KEAP1: variants seen among roughly 807,000 people sequenced by gnomAD.
The protein encoded by KEAP1 is kelch like ECH associated protein 1.
In KEAP1, 26 loss-of-function variants were observed where a neutral mutation model predicts 59.7. The observed-to-expected ratio is 0.44, with a 90% confidence interval of 0.32 to 0.60. KEAP1 has a LOEUF of 0.60. Among genes scored for constraint, KEAP1 ranks in the 20% least tolerant of loss-of-function variants. The pLI is 0.06. For missense variants in KEAP1, 539 were observed against 871.4 expected (o/e 0.62, Z 4.80); for synonymous variants, 350 against 358.3 (o/e 0.98, Z 0.26).
intron 2 of KEAP1, chr19:10,492,600 C>G (rs1000764295): frequency 2.0e-5 from 5 of 251,628 alleles, no homozygotes; most frequent in African/African-American, 1.1e-4. Context: ...CGCCTCTAGT[C>G]CCAGCTACTC....
chr19:10,499,634 C>G lies in KEAP1; in HGVS notation c.400G>C (p.Glu134Gln). ...SIEGIHPKVMERLIEFAYTAS... is the reference protein window; with the variant it reads ...SIEGIHPKVMQRLIEFAYTAS... ...GTGTAGGCGAATTCAATGAGGCGCT[C>G]CATGACCTTGGGGTGGATACCCTCA... The change falls in exon 2 of 6, where the codon GAG becomes CAG. Residue 134 changes from glutamate (E) to glutamine (Q), a missense_variant. Physicochemically the swap from Glu to Gln is conservative, Grantham distance 29 (BLOSUM62 2). Transcript: ENST00000171111. The surrounding 1 kb of genome is among the most constrained non-coding windows in gnomAD (Gnocchi z 6.7). The G allele has an allele frequency of 3.1e-6, 5 of 1,614,062 alleles. No homozygotes were observed. Among genetic ancestry groups the G allele is most frequent in the Non-Finnish European group, 4.2e-6 (5 of 1,180,044 alleles).
At chr19:10,496,500 C>A (rs1001622704) in intron 2 of KEAP1, among the ~76,000 whole-genome samples, 1 of 142,826 alleles carries the variant, frequency 7.0e-6, no homozygotes, top group Admixed American at 6.9e-5. Flanking sequence ...GTCCCCCACC[C>A]CCAAAAAAAA....
chr19:10,489,861 G>A lies in KEAP1; in HGVS notation c.1326-8C>T, dbSNP rs2144591530. 1.2e-6 allele frequency: 2 copies of A among 1,610,958 alleles called. No individual in the cohort carries two copies. Among genetic ancestry groups the A allele is most frequent in the South Asian group, 2.2e-5 (2 of 90,632 alleles). On this transcript the variant is annotated splice_region_variant and splice_polypyrimidine_tract_variant and intron_variant, in intron 3 of 5. Transcript: ENST00000171111. ...TCCCGCTCTGGCTCATACCTGCAAGGGCGTAAGAAAAATGGGGACAATGGC... is the reference window on the plus strand; with the variant it reads ...TCCCGCTCTGGCTCATACCTGCAAGAGCGTAAGAAAAATGGGGACAATGGC...
intron 1 of KEAP1, 45 bp from the exon 2 acceptor site, chr19:10,500,125 G>C: frequency 7.4e-7 from 1 of 1,350,230 alleles, no homozygotes. Context: ...GTTGGGACTG[G>C]GCCAGCACCT....
intron 3 of KEAP1, chr19:10,490,519 T>C (rs1264650269): frequency 2.6e-5 from 4 of 152,080 alleles, no homozygotes; most frequent in Admixed American, 2.0e-4. Flanking sequence ...TTCGCCATGT[T>C]GGCCAGGCTG....
chr19:10,497,249 T>C (rs947358369), intron 2 of KEAP1, among the ~76,000 whole-genome samples: 2 of 152,134 alleles, frequency 1.3e-5, no homozygotes, highest in Non-Finnish European at 2.9e-5. Context: ...ACCACTTTCC[T>C]AGAAGCTGCA....
chr19:10,492,002 G>A lies in KEAP1; in HGVS notation c.900C>T (p.Tyr300=), dbSNP rs1205566109. ...ILQSDSRCKD[Y]LVKIFEELTL... ...TGAGCTCCTCGAAGATCTTGACCAG[G>A]TAGTCCTTGCAGCGGGAGTCGGACT... is the stretch of plus-strand genomic sequence containing the variant. Residue 300 remains tyrosine, a synonymous_variant, in exon 3 of 6, where the codon TAC becomes TAT. Transcript: ENST00000171111. 4 of 1,614,080 alleles carry A rather than the reference G, an allele frequency of 2.5e-6. No individual in the cohort carries two copies. The highest frequency in any genetic ancestry group is 4.5e-5 in the East Asian group (2 of 44,886).
rs372100027 is a variant in KEAP1, at chr19:10,491,540, G to C, written c.1325+37C>G. The C allele has an allele frequency of 2.0e-6, 3 of 1,475,122 alleles. No homozygotes were observed. The highest frequency in any genetic ancestry group is 2.7e-6 in the Non-Finnish European group (3 of 1,108,976). The allele number at this position is 1,475,122 out of a possible 1,614,324, so 91.4% of individuals were successfully genotyped here. A position where few individuals can be genotyped will look rare whatever the true frequency, so the allele number is the denominator to read the frequency against. On this transcript the variant is annotated intron_variant, in intron 3 of 5. Transcript: ENST00000171111. The surrounding 1 kb of genome is among the most constrained non-coding windows in gnomAD (Gnocchi z 5.2). ...AGTGTCTTGGGACTTGCCAGGAGCAGGACCCTCCGAGCCCACCCCCAGGCC... is the reference window on the plus strand; with the variant it reads ...AGTGTCTTGGGACTTGCCAGGAGCACGACCCTCCGAGCCCACCCCCAGGCC...
rs777308626 is a variant in KEAP1 at position 10,491,854 on chromosome 19, C to G, written c.1048G>C (p.Gly350Arg). Reference sequence around the variant, plus strand: ...AGGTCCGCCAACCGGAGCCAGGTGCCGTCACTGGGGTTGTAAGCCTCCAGG... The same window carrying G: ...AGGTCCGCCAACCGGAGCCAGGTGCGGTCACTGGGGTTGTAAGCCTCCAGG... ...SYLEAYNPSD[G>R]TWLRLADLQV... Residue 350 changes from glycine to arginine, a missense_variant, in exon 3 of 6, where the codon GGC (glycine) becomes CGC (arginine). Around this residue, in one of 4 missense-constraint regions of KEAP1, gnomAD observed 311 missense variants for 425.2 expected, o/e 0.73. Coordinates refer to ENST00000171111, the MANE Select transcript of KEAP1 (RefSeq NM_203500.2). The surrounding 1 kb of genome is among the most constrained non-coding windows in gnomAD (Gnocchi z 5.2). 1.9e-6 allele frequency: 3 copies of G among 1,611,286 alleles called. No homozygotes were observed. The highest frequency in any genetic ancestry group is 2.2e-5 in the East Asian group (1 of 44,774).
chr19:10,495,444 T>C (rs894090999), intron 2 of KEAP1, among the ~76,000 whole-genome samples: 1 of 152,130 alleles, frequency 6.6e-6, no homozygotes, highest in Non-Finnish European at 1.5e-5. Context: ...CCACCTGTAA[T>C]CCCAGCACTT....
rs1237313075 is a variant in KEAP1, at chr19:10,491,400, G to A, written c.1325+177C>T. 6.6e-6 allele frequency among the ~76,000 whole-genome samples: 1 copy of A among 152,122 alleles called. No individual in the cohort carries two copies. The highest frequency in any genetic ancestry group is 1.5e-5 in the Non-Finnish European group (1 of 68,026). On this transcript the variant is annotated intron_variant, in intron 3 of 5. Transcript: ENST00000171111. This position sits in a 1 kb window ranked among gnomAD's most constrained non-coding sequence, Gnocchi z 5.2. ...TCCCCTAAGCATTTCCCAGCCCCAG[G>A]CACAGAATCAAAGGTCACTGACTAG...
intron 5 of KEAP1, among the ~76,000 whole-genome samples, chr19:10,488,243 C>A (rs1347868478): frequency 6.6e-6 from 1 of 150,828 alleles, no homozygotes; most frequent in South Asian, 2.1e-4. Context: ...GCCAAGATTG[C>A]GCCATTGCAC....
At position 10,491,569 on chromosome 19, in the gene KEAP1, C is replaced by A. The variant is rs540378628; in HGVS notation, c.1325+8G>T. The A allele has an allele frequency of 2.7e-6, 4 of 1,507,470 alleles. No individual in the cohort carries two copies. Among genetic ancestry groups the A allele is most frequent in the South Asian group, 2.7e-5 (2 of 74,828 alleles). The allele number at this position is 1,507,470 out of a possible 1,614,324, so 93.4% of individuals were successfully genotyped here. On this transcript the variant is annotated splice_region_variant and intron_variant, in intron 3 of 5. Coordinates refer to ENST00000171111, the MANE Select transcript of KEAP1 (RefSeq NM_203500.2). The surrounding 1 kb of genome is among the most constrained non-coding windows in gnomAD (Gnocchi z 5.2). ...CCTCCGAGCCCACCCCCAGGCCCTG[C>A]CACTCACCTCTCCACACTGTTGTGG...
intron 1 of KEAP1, among the ~76,000 whole-genome samples, chr19:10,500,909 A>G (rs1192010529): frequency 6.6e-6 from 1 of 151,974 alleles, no homozygotes; most frequent in Non-Finnish European, 1.5e-5. Context: ...CAAACTCCTG[A>G]CCTCAAGTGA....
intron 5 of KEAP1, among the ~76,000 whole-genome samples, chr19:10,487,514 C>T (rs892532588): frequency 4.0e-5 from 6 of 150,930 alleles, no homozygotes; most frequent in East Asian, 2.0e-4. Context: ...AAATTAGATG[C>T]GATTGGTGAT....
At chr19:10,495,472 C>T (rs562952133) in intron 2 of KEAP1, among the ~76,000 whole-genome samples, 2 of 152,096 alleles carry the variant, frequency 1.3e-5, no homozygotes, top group Non-Finnish European at 2.9e-5. Flanking sequence ...CCAAAGCAGG[C>T]GGATCACCTG....
At chr19:10,501,265 TCTCG>T (rs1915034240) in intron 1 of KEAP1, among the ~76,000 whole-genome samples, 1 of 151,282 alleles carries the variant, frequency 6.6e-6, no homozygotes, top group African/African-American at 2.4e-5. Flanking sequence ...CGAGACAGAG[TCTCG>T]CTCTGTTGCC....
In KEAP1 at chr19:10,489,820, C is replaced by T. The variant is rs748294869; in HGVS notation, c.1359G>A (p.Val453=). The T allele has an allele frequency of 6.2e-6, 10 of 1,614,048 alleles. No individual in the cohort carries two copies. In the South Asian group the frequency reaches 1.1e-4, roughly 18 times the overall value. Residue 453 remains valine (V), a synonymous_variant, in exon 4 of 6, where the codon GTG becomes GTA. Transcript: ENST00000171111. ...YEPERDEWHL[V]APMLTRRIGV... ...CGATCCTTCGTGTCAGCATTGGGGC[C>T]ACCAAGTGCCACTCATCCCGCTCTG...
intron 5 of KEAP1, among the ~76,000 whole-genome samples, chr19:10,487,036 T>TAAAAAA (rs35072591): frequency 1.1e-5 from 1 of 92,016 alleles, no homozygotes. Context: ...AGTCTCTTAC[T>TAAAAAA]AAAAAAAAAA....
Sources: gnomAD v4.1 joint callset for allele counts (sites outside exome capture counted in the v4.1 genomes callset) on GRCh38, gnomAD v4.1.1 for gene constraint, gnomAD v4.1.1 regional missense constraint, Gnocchi (gnomAD v3.1) non-coding constraint, MANE v1.5 for transcripts, NCBI Gene and HGNC (gene_info 2026-07-23, HGNC 2026-07-21) for gene names.